The following VAV3 variants were observed in gnomAD, a reference collection of about 807,000 sequenced individuals.
The protein encoded by VAV3 is vav guanine nucleotide exchange factor 3, also known as guanine nucleotide exchange factor VAV3.
A neutral mutation model predicts 131.2 loss-of-function variants in VAV3; 94 were observed. The observed-to-expected ratio is 0.72, with a 90% CI of 0.61 to 0.85. The LOEUF is 0.85. VAV3 is among the 40% of genes least tolerant of loss of function. VAV3 has a pLI of 0.00. For missense variants in VAV3, 939 were observed against 1,002.7 expected, an observed-to-expected ratio of 0.94 and a Z score of 0.86; for synonymous variants, 349 against 342.0, an observed-to-expected ratio of 1.02 and a Z score of -0.22.
At chr1:107,945,090 C>G (rs914321017) in intron 1 of VAV3, among the ~76,000 whole-genome samples, 2 of 152,132 alleles carry the variant, frequency 1.3e-5, no homozygotes, top group African/African-American at 4.8e-5. Flanking sequence ...CAAGATGATT[C>G]TATGCCCAGC....
At chr1:107,607,753 A>C (rs916147649) in intron 22 of VAV3, among the ~76,000 whole-genome samples, 1 of 152,216 alleles carries the variant, frequency 6.6e-6, no homozygotes, top group Non-Finnish European at 1.5e-5. Flanking sequence ...ATTGAAGACA[A>C]TCATCTTAAT....
intron 10 of VAV3, among the ~76,000 whole-genome samples, chr1:107,757,835 T>C (rs1664199585): frequency 6.6e-6 from 1 of 152,172 alleles, no homozygotes; most frequent in African/African-American, 2.4e-5. Flanking sequence ...TATTGTTCCT[T>C]AAGTTTTCAC....
chr1:107,859,682 T>C (rs1172227114), intron 2 of VAV3, among the ~76,000 whole-genome samples: 1 of 152,134 alleles, frequency 6.6e-6, no homozygotes, highest in Non-Finnish European at 1.5e-5. Context: ...TCAATATAAA[T>C]ACATCAAAAA....
intron 21 of VAV3, 89 bp downstream of exon 21, chr1:107,617,478 T>G: frequency 9.5e-7 from 1 of 1,050,692 alleles, no homozygotes; most frequent in Non-Finnish European, 1.4e-6. Context: ...ATAACTGACC[T>G]GGCCAGTATC....
chr1:107,937,017 T>C (rs1403883298), intron 1 of VAV3, among the ~76,000 whole-genome samples: 2 of 152,056 alleles, frequency 1.3e-5, no homozygotes, highest in African/African-American at 4.8e-5. Flanking sequence ...ACTACTGAGA[T>C]TGCCACACCT....
intron 1 of VAV3, among the ~76,000 whole-genome samples, chr1:107,911,615 T>C (rs1477691347): frequency 1.3e-5 from 2 of 152,348 alleles, no homozygotes; most frequent in East Asian, 3.9e-4. Context: ...CATTCTATTT[T>C]AAAGAAAAAA....
chr1:107,685,095 G>C (rs1007299698), intron 18 of VAV3, among the ~76,000 whole-genome samples: 2 of 152,088 alleles, frequency 1.3e-5, no homozygotes, highest in Non-Finnish European at 2.9e-5. Flanking sequence ...TCTTTGGTTT[G>C]ATTCCTAGAA....
chr1:107,740,937 G>T (rs1422453293), intron 15 of VAV3, among the ~76,000 whole-genome samples: 2 of 152,184 alleles, frequency 1.3e-5, no homozygotes, highest in Non-Finnish European at 2.9e-5. Flanking sequence ...GCTGGCCCTT[G>T]TTCTAAGAGA....
chr1:107,680,788 G>A (rs1043100812), intron 19 of VAV3, among the ~76,000 whole-genome samples: 1 of 152,120 alleles, frequency 6.6e-6, no homozygotes, highest in Non-Finnish European at 1.5e-5. Context: ...TTACAAATGA[G>A]GAAACTATGG....
intron 2 of VAV3, among the ~76,000 whole-genome samples, chr1:107,873,956 C>G (rs1362874120): frequency 6.6e-6 from 1 of 152,114 alleles, no homozygotes; most frequent in Non-Finnish European, 1.5e-5. Flanking sequence ...TGCTGTTTAG[C>G]AAAGAGCAAT....
At chr1:107,806,762 C>CA (rs1029372459) in intron 2 of VAV3, among the ~76,000 whole-genome samples, 2 of 151,476 alleles carry the variant, frequency 1.3e-5, no homozygotes, top group East Asian at 1.9e-4. Context: ...GCTCATCACC[C>CA]AAAAAAAAGA....
chr1:107,659,284 A>C (rs1454518135), intron 19 of VAV3, among the ~76,000 whole-genome samples: 4 of 152,164 alleles, frequency 2.6e-5, no homozygotes, highest in African/African-American at 9.6e-5. Flanking sequence ...TTTCAGAAAA[A>C]AAAAAGTATA....
chr1:107,606,707 C>A (rs1282557271), intron 22 of VAV3, among the ~76,000 whole-genome samples: 1 of 148,996 alleles, frequency 6.7e-6, no homozygotes, highest in African/African-American at 2.5e-5. Context: ...TTTTCTAAAA[C>A]ATTGAGCTTA....
Position 107,964,679 on chromosome 1 carries a change from G to A in VAV3, c.191C>T (p.Pro64Leu), listed in dbSNP as rs1675337230. Residue 64 changes from proline to leucine, a missense_variant, in exon 1 of 27, where the codon CCG becomes CTG. Transcript: ENST00000370056. Reference protein sequence around the residue: ...SINLKEINLRPQMSQFLCLKN... With the variant: ...SINLKEINLRLQMSQFLCLKN... ...CGGCCTCCTCACCTGGGACATCTGC[G>A]GCCTCAGGTTGATCTCCTTCAGGTT... 1 of 1,613,136 alleles carries A rather than the reference G, an allele frequency of 6.2e-7. No individual in the cohort carries two copies. The highest frequency in any genetic ancestry group is 8.5e-7 in the Non-Finnish European group (1 of 1,179,528).
chr1:107,630,055 GC>G (rs1654334830), intron 20 of VAV3, among the ~76,000 whole-genome samples: 1 of 152,066 alleles, frequency 6.6e-6, no homozygotes, highest in Non-Finnish European at 1.5e-5. Context: ...CAAATACAAA[GC>G]CATTGTAACA....
At chr1:107,716,132 A>T (rs1009403883) in intron 15 of VAV3, among the ~76,000 whole-genome samples, 2 of 152,210 alleles carry the variant, frequency 1.3e-5, no homozygotes, top group Non-Finnish European at 2.9e-5. Context: ...TTTTATATAA[A>T]ACTCTATGTG....
intron 2 of VAV3, among the ~76,000 whole-genome samples, chr1:107,866,654 C>T (rs1489207951): frequency 2.6e-5 from 4 of 151,576 alleles, no homozygotes; most frequent in African/African-American, 9.7e-5. Flanking sequence ...AACCCCATCT[C>T]TACTAAAAAA....
intron 25 of VAV3, among the ~76,000 whole-genome samples, chr1:107,580,861 C>T (rs1215321076): frequency 6.6e-6 from 1 of 152,020 alleles, no homozygotes; most frequent in African/African-American, 2.4e-5. Context: ...GATAATATAT[C>T]CACTTGTTTC....
intron 1 of VAV3, among the ~76,000 whole-genome samples, chr1:107,924,751 G>A (rs1455621609): frequency 1.3e-5 from 2 of 151,936 alleles, no homozygotes; most frequent in African/African-American, 4.8e-5. Flanking sequence ...GACACCATTG[G>A]GGGAAAAAAA....
Sources: allele counts gnomAD v4.1 joint callset (sites outside exome capture counted in the v4.1 genomes callset), GRCh38; gene constraint gnomAD v4.1.1; transcripts MANE v1.5; gene names NCBI Gene and HGNC (gene_info 2026-07-23, HGNC 2026-07-21).